The following DNAH14 variants were observed in gnomAD, a reference collection of about 807,000 sequenced individuals.
DNAH14 encodes dynein axonemal heavy chain 14, also known as axonemal beta dynein heavy chain 14.
Under a neutral mutation model 520.9 loss-of-function variants are expected in DNAH14, and 478 were observed. That is an observed-to-expected ratio of 0.92 (90% CI 0.85 to 0.99). The LOEUF is 0.99. DNAH14 is among the 50% of genes least tolerant of loss of function. The pLI is 0.00. For synonymous variants in DNAH14, 1,581 were observed against 1,757.2 expected, an observed-to-expected ratio of 0.90 and a Z score of 2.51; for missense variants, 4,831 against 5,234.5, an observed-to-expected ratio of 0.92 and a Z score of 2.38.
chr1:225,244,213 G>T (rs1332685250), intron 43 of DNAH14, among the ~76,000 whole-genome samples: 6 of 152,114 alleles, frequency 3.9e-5, no homozygotes, highest in African/African-American at 1.2e-4. Flanking sequence ...CAACTTGATT[G>T]TCATGGGTAA....
In DNAH14 at chr1:224,930,038, G is replaced by GCCGCCA. The variant is rs766225478; in HGVS notation, c.-34+205_-34+210dup. Among the ~76,000 whole-genome samples the GCCGCCA allele has an allele frequency of 6.8e-3, 1,028 of 152,220 alleles. 3 individuals are homozygous for GCCGCCA. The highest frequency in any genetic ancestry group is 0.01 in the Middle Eastern group (3 of 292). ...GCTGGCGCATCCACCAGGCGCCGGC[G>GCCGCCA]CCGCCACGCCGGTAGCCCCGACCGC... On this transcript the variant is annotated intron_variant, in intron 1 of 85. Transcript: ENST00000682510.
intron 35 of DNAH14, among the ~76,000 whole-genome samples, chr1:225,167,258 G>A (rs1283414996): frequency 6.6e-6 from 1 of 152,060 alleles, no homozygotes; most frequent in Non-Finnish European, 1.5e-5. Context: ...AGGGATGCAA[G>A]GAATGAAAAA....
intron 41 of DNAH14, among the ~76,000 whole-genome samples, chr1:225,217,852 G>T (rs1038257734): frequency 2.6e-5 from 4 of 152,052 alleles, no homozygotes; most frequent in East Asian, 1.9e-4. Flanking sequence ...GGGCTTCCCG[G>T]GTGAGGCAAT....
At chr1:225,165,216 A>G (rs2081930776) in intron 35 of DNAH14, among the ~76,000 whole-genome samples, 1 of 152,112 alleles carries the variant, frequency 6.6e-6, no homozygotes. Context: ...CACTCTGAAG[A>G]AGGTCAATGT....
At chr1:225,247,104 T>C (rs991472599) in intron 43 of DNAH14, among the ~76,000 whole-genome samples, 6 of 152,196 alleles carry the variant, frequency 3.9e-5, no homozygotes, top group Admixed American at 1.3e-4. Context: ...GAAGCCATCA[T>C]TCTCAGCAAA....
chr1:225,066,819 G>T (rs1278875993), intron 17 of DNAH14, among the ~76,000 whole-genome samples: 6 of 152,010 alleles, frequency 3.9e-5, no homozygotes, highest in Non-Finnish European at 7.4e-5. Context: ...TTCTGCAAAA[G>T]ACATTATTTT....
At chr1:225,309,946 C>A (rs1377029118) in intron 60 of DNAH14, among the ~76,000 whole-genome samples, 1 of 151,778 alleles carries the variant, frequency 6.6e-6, no homozygotes, top group East Asian at 1.9e-4. Flanking sequence ...TTAATGGGTG[C>A]AGCACACCAG....
Position 225,351,783 on chromosome 1 carries a change from G to A in DNAH14, c.11433G>A (p.Trp3811Ter), listed in dbSNP as rs1337990475. The A allele has an allele frequency of 1.3e-6, 2 of 1,551,008 alleles. No individual in the cohort carries two copies. Among genetic ancestry groups the A allele is most frequent in the Non-Finnish European group, 1.7e-6 (2 of 1,146,676 alleles). ...CCCTTTTATCAAACGTATCACAATG[G>A]GATACTTTTAAGAACAGTAAAGCAG... ...CKSLLSNVSQ[W>*]DTFKNSKAVY... Residue 3811 changes from tryptophan to a stop codon, truncating the protein, a stop_gained, in exon 72 of 86, where the codon TGG (tryptophan) becomes TGA (stop). Coordinates refer to ENST00000682510, the MANE Select transcript of DNAH14 (RefSeq NM_001367479.1). LOFTEE classifies it high-confidence loss of function.
intron 9 of DNAH14, among the ~76,000 whole-genome samples, chr1:225,005,483 C>T (rs1354844935): frequency 6.6e-6 from 1 of 151,910 alleles, no homozygotes; most frequent in Non-Finnish European, 1.5e-5. Flanking sequence ...TATTATAGTA[C>T]TGGATAAATG....
chr1:225,065,512 T>C (rs1376395649), intron 17 of DNAH14, among the ~76,000 whole-genome samples: 1 of 151,770 alleles, frequency 6.6e-6, no homozygotes, highest in Non-Finnish European at 1.5e-5. Context: ...TGACCATCAT[T>C]CCATTTCCCC....
At chr1:225,078,926 C>T (rs1242424427) in intron 17 of DNAH14, among the ~76,000 whole-genome samples, 2 of 147,054 alleles carry the variant, frequency 1.4e-5, no homozygotes, top group African/African-American at 5.1e-5. Context: ...GTAAGATGTG[C>T]TTGCTTCCCT....
Position 225,059,355 on chromosome 1 carries a change from C to G in DNAH14, c.2424+7560C>G, listed in dbSNP as rs1258307911. On this transcript the variant is annotated intron_variant, in intron 17 of 85. Transcript: ENST00000682510. The stretch of plus-strand genomic sequence containing the variant: ...CCGATACTAGGATTGCAACTCCTGC[C>G]TTTTTTTGTTTTCCATTTGCTTGGT... 2.0e-5 allele frequency among the ~76,000 whole-genome samples: 3 copies of G among 151,920 alleles called. No individual in the cohort carries two copies. The East Asian group carries it at 5.8e-4, about 29-fold the overall frequency.
intron 43 of DNAH14, among the ~76,000 whole-genome samples, chr1:225,241,131 G>A (rs774527725): frequency 1.3e-5 from 2 of 152,050 alleles, no homozygotes; most frequent in African/African-American, 4.8e-5. Context: ...TCGCCATGTA[G>A]CAAGAAGTTC....
chr1:224,958,414 T>C (rs1469073133), intron 3 of DNAH14, among the ~76,000 whole-genome samples: 1 of 151,850 alleles, frequency 6.6e-6, no homozygotes, highest in East Asian at 1.9e-4. Context: ...ACACATAGAG[T>C]TGGTTTTATC....
At chr1:225,254,012 C>A (rs773261864) in intron 44 of DNAH14, among the ~76,000 whole-genome samples, 57 of 152,018 alleles carry the variant, frequency 3.7e-4, no homozygotes, top group Non-Finnish European at 6.9e-4. Flanking sequence ...AGAGGTGAAT[C>A]ATGCAAATTC....
At chr1:225,338,311 TTTTTG>T (rs1212314262) in intron 68 of DNAH14, 129 bp downstream of exon 68, 1 of 1,221,064 alleles carries the variant, frequency 8.2e-7, no homozygotes. Flanking sequence ...TGGAATATTC[TTTTTG>T]TTTTTGTGTT....
At chr1:224,948,331 C>T (rs1219204590) in intron 1 of DNAH14, among the ~76,000 whole-genome samples, 17 of 151,492 alleles carry the variant, frequency 1.1e-4, no homozygotes, top group Admixed American at 1.1e-3. Context: ...TAGTGATTAT[C>T]TTTCTATCTA....
intron 41 of DNAH14, among the ~76,000 whole-genome samples, chr1:225,218,033 C>G (rs1193011185): frequency 6.6e-6 from 1 of 152,102 alleles, no homozygotes; most frequent in Non-Finnish European, 1.5e-5. Flanking sequence ...AGTCCCAACC[C>G]AGAATTTAAT....
intron 1 of DNAH14, among the ~76,000 whole-genome samples, chr1:224,943,962 G>T (rs1229969890): frequency 2.0e-5 from 3 of 152,164 alleles, no homozygotes; most frequent in Non-Finnish European, 4.4e-5. Context: ...TGAGAAGAAT[G>T]TATATTCTGT....
Sources: allele counts gnomAD v4.1 joint callset (sites outside exome capture counted in the v4.1 genomes callset), GRCh38; gene constraint gnomAD v4.1.1; transcripts MANE v1.5; gene names NCBI Gene and HGNC (gene_info 2026-07-23, HGNC 2026-07-21).